The following ATP7B variants were observed in gnomAD, a reference collection of about 807,000 sequenced individuals.
ATP7B encodes copper-transporting ATPase 2.
Under a neutral mutation model 118.9 loss-of-function variants are expected in ATP7B, and 113 were observed. The observed-to-expected ratio is 0.95, with a 90% CI of 0.82 to 1.11. The LOEUF (loss-of-function observed/expected upper bound fraction) is 1.11, where lower values mean the gene tolerates loss of function less well. ATP7B is among the 50% of genes most tolerant of loss of function. The pLI is 0.00. For missense variants in ATP7B, 1,867 were observed against 1,871.4 expected, an observed-to-expected ratio of 1.00 and a Z score of 0.04; for synonymous variants, 777 against 727.4, an observed-to-expected ratio of 1.07 and a Z score of -1.10.
intron 9 of ATP7B, among the ~76,000 whole-genome samples, chr13:51,952,466 G>A (rs1958069332): frequency 6.6e-6 from 1 of 152,190 alleles, no homozygotes; most frequent in African/African-American, 2.4e-5. Flanking sequence ...ACTTGAGAAG[G>A]AGAAATAGAC....
At chr13:51,966,916 A>C in intron 4 of ATP7B, 1 of 1,613,132 alleles carries the variant, frequency 6.2e-7, no homozygotes, top group Non-Finnish European at 8.5e-7. Context: ...AACCGAGAGC[A>C]CTTTGAAAAC....
Position 51,949,759 on chromosome 13 carries a change from T to C in ATP7B, c.2768A>G (p.Tyr923Cys). The change falls in exon 12 of 21, where the codon TAT (tyrosine) becomes TGT (cysteine). Residue 923 changes from tyrosine (Y) to cysteine (C), a missense_variant. Coordinates refer to ENST00000242839, the MANE Select transcript of ATP7B (RefSeq NM_000053.4). ...CATGATGATGATAAATGGGACAAAA[T>C]ATCCACTAAACCGGTCAGCCAGCTG... ...IQQLADRFSG[Y>C]FVPFIIIMST... is the part of the protein sequence containing the mutation. 6 of 1,613,926 alleles carry C rather than the reference T, an allele frequency of 3.7e-6. 1 individual carries two copies.
chr13:51,946,565 G>C, intron 12 of ATP7B, 87 bp from the exon 13 acceptor site: 2 of 1,490,126 alleles, frequency 1.3e-6, no homozygotes, highest in Non-Finnish European at 1.9e-6. Flanking sequence ...TTTCAGGGGG[G>C]CACTGGACAC....
At chr13:51,948,051 T>A (rs908577571) in intron 12 of ATP7B, among the ~76,000 whole-genome samples, 13 of 152,196 alleles carry the variant, frequency 8.5e-5, no homozygotes, top group Admixed American at 7.9e-4. Flanking sequence ...CACAGGCACA[T>A]TCTACCAATA....
rs746431639 is a variant in ATP7B, at chr13:51,946,430, A to G, written c.2914T>C (p.Phe972Leu). 6.2e-7 allele frequency: 1 copy of G among 1,614,190 alleles called. No individual in the cohort carries two copies. Residue 972 changes from phenylalanine (F) to leucine (L), a missense_variant, in exon 13 of 21, where the codon TTC becomes CTC. By Grantham distance (22) the Phe-to-Leu change is conservative. Transcript: ENST00000242839. Reference sequence around the variant, plus strand: ...CACAGCACCGTGATGGACGTCTGGAAAGCAAACCGGATGATCACCTCTGTC... The same window carrying G: ...CACAGCACCGTGATGGACGTCTGGAGAGCAAACCGGATGATCACCTCTGTC... ...SQTEVIIRFA[F>L]QTSITVLCIA...
upstream of ATP7B, chr13:52,011,451 G>A (rs1954032972): frequency 1.4e-6 from 2 of 1,406,310 alleles, no homozygotes; most frequent in African/African-American, 1.5e-5. Flanking sequence ...AGAGTGTGAG[G>A]GCATCGGCGC....
At chr13:51,985,081 C>G (rs190141884) in intron 1 of ATP7B, among the ~76,000 whole-genome samples, 1 of 152,110 alleles carries the variant, frequency 6.6e-6, no homozygotes, top group Non-Finnish European at 1.5e-5. Context: ...TAACCTTAAA[C>G]GTAAACAGGC....
At chr13:51,991,245 C>G (rs537806034) in intron 1 of ATP7B, among the ~76,000 whole-genome samples, 118 of 152,324 alleles carry the variant, frequency 7.7e-4, no homozygotes, top group African/African-American at 2.7e-3. Flanking sequence ...CAGTATAAAT[C>G]TACTTCTAGT....
chr13:51,942,379 G>A lies in ATP7B; in HGVS notation c.3412+7C>T, dbSNP rs748522019. On this transcript the variant is annotated splice_region_variant and intron_variant, in intron 15 of 20. Transcript: ENST00000242839. The stretch of plus-strand genomic sequence containing the variant: ...TAACCAGCTGCAGAGACAAAAGCCA[G>A]CAATACCTTTTTCTGCGGGAAGGCT... 1.7e-5 allele frequency: 28 copies of A among 1,613,872 alleles called. No individual in the cohort carries two copies. In the East Asian group the frequency reaches 5.6e-4, roughly 32 times the overall value.
At chr13:51,962,768 G>A (rs759318081) in intron 5 of ATP7B, among the ~76,000 whole-genome samples, 14 of 152,114 alleles carry the variant, frequency 9.2e-5, no homozygotes, top group Non-Finnish European at 1.8e-4. Flanking sequence ...AGCAGGCTGG[G>A]TAGCATAGAA....
At chr13:51,981,644 G>A (rs1389245737) in intron 1 of ATP7B, among the ~76,000 whole-genome samples, 2 of 152,092 alleles carry the variant, frequency 1.3e-5, no homozygotes, top group Non-Finnish European at 2.9e-5. Flanking sequence ...AGGCCAGTGG[G>A]GGTTGGTCTC....
Position 51,968,490 on chromosome 13 carries a change from G to A in ATP7B, c.1661C>T (p.Ala554Val). The change falls in exon 4 of 21, where the codon GCA becomes GTA. Residue 554 changes from alanine (A) to valine (V), a missense_variant. Physicochemically the swap from Ala to Val is moderately conservative, Grantham distance 64 (BLOSUM62 0). Transcript: ENST00000242839. ...GGAGCCTGCGTAGTCCTCCATGACT[G>A]CTGCCTCAAAACCCAGGTCCTGGAT... ...QFIQDLGFEA[A>V]VMEDYAGSDG... 6.2e-7 allele frequency: 1 copy of A among 1,614,184 alleles called. No individual in the cohort carries two copies. Among genetic ancestry groups the A allele is most frequent in the Non-Finnish European group, 8.5e-7 (1 of 1,180,038 alleles).
At chr13:52,005,050 G>A (rs544540660) in intron 1 of ATP7B, among the ~76,000 whole-genome samples, 1 of 152,262 alleles carries the variant, frequency 6.6e-6, no homozygotes, top group South Asian at 2.1e-4. Flanking sequence ...GGTGGCCCTG[G>A]GCAACTAGAC....
At position 51,958,414 on chromosome 13, in the gene ATP7B, G is replaced by C; in HGVS notation, c.2252C>G (p.Ala751Gly). The change falls in exon 8 of 21, where the codon GCT becomes GGT. Residue 751 changes from alanine to glycine, a missense_variant. Transcript: ENST00000242839. The part of the protein sequence containing the change: ...YVYSLVILVV[A>G]VAEKAERSPV... Reference sequence around the variant, plus strand: ...GCTCCTCTCCGCCTTCTCAGCCACAGCAACCACCAGGATGACCAGAGAATA... The same window carrying C: ...GCTCCTCTCCGCCTTCTCAGCCACACCAACCACCAGGATGACCAGAGAATA... 6.2e-7 allele frequency: 1 copy of C among 1,614,220 alleles called. No individual in the cohort carries two copies. The highest frequency in any genetic ancestry group is 8.5e-7 in the Non-Finnish European group (1 of 1,180,040).
chr13:51,943,877 G>A (rs1482449247), intron 14 of ATP7B, among the ~76,000 whole-genome samples: 1 of 152,072 alleles, frequency 6.6e-6, no homozygotes, highest in Non-Finnish European at 1.5e-5. Flanking sequence ...TGAGCCTGGC[G>A]CCTGGTGATG....
intron 1 of ATP7B, among the ~76,000 whole-genome samples, chr13:52,001,371 A>G (rs1285868754): frequency 6.6e-6 from 1 of 152,206 alleles, no homozygotes; most frequent in African/African-American, 2.4e-5. Flanking sequence ...CCTTACAATG[A>G]TGACCTGTAA....
intron 14 of ATP7B, among the ~76,000 whole-genome samples, chr13:51,943,754 T>C (rs1957478613): frequency 1.3e-5 from 2 of 152,042 alleles, no homozygotes; most frequent in Non-Finnish European, 2.9e-5. Flanking sequence ...ATTTCATGTT[T>C]GTGTCCCCTT....
intron 8 of ATP7B, 68 bp downstream of exon 8, chr13:51,958,243 G>A: frequency 6.7e-7 from 1 of 1,490,664 alleles, no homozygotes; most frequent in Non-Finnish European, 9.4e-7. Context: ...TCTAAACATG[G>A]TGTTCAGAGG....
chr13:51,946,642 G>A (rs960463705), intron 12 of ATP7B, 164 bp from the exon 13 acceptor site: 14 of 769,386 alleles, frequency 1.8e-5, no homozygotes, highest in African/African-American at 3.4e-5. Context: ...TAGAGAACAC[G>A]TTACTGCTCT....
Sources: allele counts gnomAD v4.1 joint callset (sites outside exome capture counted in the v4.1 genomes callset), GRCh38; gene constraint gnomAD v4.1.1; transcripts MANE v1.5; gene names NCBI Gene and HGNC (gene_info 2026-07-23, HGNC 2026-07-21).